Variants in NTM observed in about 807,000 individuals in gnomAD.
The protein encoded by NTM is neurotrimin, also known as IgLON family member 2.
Under a neutral mutation model 42.1 loss-of-function variants are expected in NTM, and 13 were observed. The ratio of observed to expected loss-of-function variants is 0.31; its 90% CI spans 0.20 to 0.49. NTM has a LOEUF of 0.49. Among genes scored for constraint, NTM ranks in the 20% least tolerant of loss-of-function variants. The probability of loss-of-function intolerance (pLI) is 0.99; values close to 1 mark genes in which losing one functional copy is unlikely to be tolerated. For missense variants in NTM, 373 were observed against 452.8 expected, an observed-to-expected ratio of 0.82 and a Z score of 1.60; for synonymous variants, 187 against 179.2, an observed-to-expected ratio of 1.04 and a Z score of -0.35.
chr11:131,629,301 T>C (rs1287228598), intron 1 of NTM, among the ~76,000 whole-genome samples: 1 of 152,142 alleles, frequency 6.6e-6, no homozygotes, highest in African/African-American at 2.4e-5. Context: ...AACCAGGCTC[T>C]CTTAATCTGA....
chr11:132,314,216 C>T (rs2095362942), intron 6 of NTM, among the ~76,000 whole-genome samples: 2 of 152,028 alleles, frequency 1.3e-5, no homozygotes. Context: ...GAACCACCTA[C>T]TGTGTGAATC....
At chr11:131,501,516 A>C (rs1466753052) in intron 1 of NTM, among the ~76,000 whole-genome samples, 1 of 152,130 alleles carries the variant, frequency 6.6e-6, no homozygotes, top group East Asian at 1.9e-4. Context: ...CTCTATTCTG[A>C]GCATACTGGG....
chr11:131,866,424 AC>A (rs1216536605), intron 1 of NTM, among the ~76,000 whole-genome samples: 1 of 152,228 alleles, frequency 6.6e-6, no homozygotes, highest in Non-Finnish European at 1.5e-5. Flanking sequence ...CCTGGAACAA[AC>A]CCAAGGGCAG....
chr11:132,064,090 G>A (rs1221442339), intron 2 of NTM, among the ~76,000 whole-genome samples: 2 of 152,132 alleles, frequency 1.3e-5, no homozygotes, highest in Admixed American at 1.3e-4. Flanking sequence ...AGAGGAGGAG[G>A]CAGAAAAGCA....
At chr11:132,110,669 G>T (rs1400587095) in intron 2 of NTM, among the ~76,000 whole-genome samples, 1 of 152,080 alleles carries the variant, frequency 6.6e-6, no homozygotes, top group Non-Finnish European at 1.5e-5. Context: ...AAATTTCAAT[G>T]AATCAACACA....
chr11:131,802,788 C>T (rs1391388331), intron 1 of NTM, among the ~76,000 whole-genome samples: 1 of 152,176 alleles, frequency 6.6e-6, no homozygotes, highest in East Asian at 1.9e-4. Context: ...GAAAAGAAAG[C>T]GAGAAACAAA....
intron 1 of NTM, among the ~76,000 whole-genome samples, chr11:131,813,919 T>C (rs1310255010): frequency 1.3e-5 from 2 of 152,108 alleles, no homozygotes; most frequent in Non-Finnish European, 2.9e-5. Flanking sequence ...AGTGCCTACT[T>C]CACAGACTTC....
chr11:131,627,196 C>A (rs2063192072), intron 1 of NTM, among the ~76,000 whole-genome samples: 1 of 151,318 alleles, frequency 6.6e-6, no homozygotes, highest in African/African-American at 2.4e-5. Context: ...GCTATTTGTG[C>A]ATGAATAAAG....
chr11:132,102,373 A>G (rs758452202), intron 2 of NTM, among the ~76,000 whole-genome samples: 3 of 152,164 alleles, frequency 2.0e-5, no homozygotes, highest in Non-Finnish European at 2.9e-5. Flanking sequence ...CTTGCACTGG[A>G]AAGAAGTATT....
chr11:132,192,188 T>C (rs1161855870), intron 3 of NTM, among the ~76,000 whole-genome samples: 1 of 152,070 alleles, frequency 6.6e-6, no homozygotes, highest in African/African-American at 2.4e-5. Context: ...CTATACAAGA[T>C]GACCATCTGC....
At chr11:131,861,607 G>A (rs2046641972) in intron 1 of NTM, among the ~76,000 whole-genome samples, 1 of 152,172 alleles carries the variant, frequency 6.6e-6, no homozygotes. Context: ...TGATGTTGCT[G>A]TAAAGGTCAA....
At chr11:131,853,301 A>T (rs1357302568) in intron 1 of NTM, among the ~76,000 whole-genome samples, 1 of 152,150 alleles carries the variant, frequency 6.6e-6, no homozygotes, top group Non-Finnish European at 1.5e-5. Flanking sequence ...ATAGGCAAAC[A>T]TGTGCCATGG....
At chr11:131,510,660 A>G (rs1410460728) in intron 1 of NTM, among the ~76,000 whole-genome samples, 1 of 152,180 alleles carries the variant, frequency 6.6e-6, no homozygotes, top group Non-Finnish European at 1.5e-5. Flanking sequence ...TTATTTTATG[A>G]CCACTAGACG....
intron 3 of NTM, among the ~76,000 whole-genome samples, chr11:132,197,818 G>A (rs565646624): frequency 8.8e-4 from 134 of 152,078 alleles, no homozygotes; most frequent in African/African-American, 3.0e-3. Context: ...TCCCTACAAA[G>A]GACATGAACT....
chr11:131,910,685 C>T (rs988375580), intron 1 of NTM: 3 of 273,620 alleles, frequency 1.1e-5, no homozygotes, highest in African/African-American at 4.6e-5. Context: ...CGCGCGGCTC[C>T]GGTGCGGGCT....
At chr11:131,825,503 T>A (rs10791174) in intron 1 of NTM, among the ~76,000 whole-genome samples, 3 of 151,944 alleles carry the variant, frequency 2.0e-5, no homozygotes, top group Non-Finnish European at 4.4e-5. Context: ...ACGGACTTGG[T>A]TCTTTATCCT....
At chr11:132,233,241 C>A (rs1323851511) in intron 4 of NTM, among the ~76,000 whole-genome samples, 1 of 152,088 alleles carries the variant, frequency 6.6e-6, no homozygotes, top group Admixed American at 6.5e-5. Context: ...CATGGTGAAA[C>A]CCTGTCTCTA....
chr11:131,764,001 A>T (rs1048976908), intron 1 of NTM, among the ~76,000 whole-genome samples: 4 of 152,132 alleles, frequency 2.6e-5, no homozygotes, highest in African/African-American at 9.6e-5. Context: ...CATAACTATA[A>T]CAATATTAAA....
intron 6 of NTM, among the ~76,000 whole-genome samples, chr11:132,313,812 G>A (rs1447249362): frequency 2.0e-5 from 3 of 152,048 alleles, no homozygotes; most frequent in African/African-American, 4.8e-5. Context: ...GTGGCCCCCA[G>A]ACCAATGCAA....
Sources: gnomAD v4.1 joint callset for allele counts (sites outside exome capture counted in the v4.1 genomes callset) on GRCh38, gnomAD v4.1.1 for gene constraint, MANE v1.5 for transcripts, NCBI Gene and HGNC (gene_info 2026-07-23, HGNC 2026-07-21) for gene names.